Variants in LCORL observed in about 807,000 individuals in gnomAD.
LCORL encodes the protein ligand-dependent nuclear receptor corepressor-like protein.
Under a neutral mutation model 141.8 loss-of-function variants are expected in LCORL, and 41 were observed. That is an observed-to-expected ratio of 0.29 (90% CI 0.23 to 0.38). The LOEUF (loss-of-function observed/expected upper bound fraction) is 0.38. Ranked by LOEUF, LCORL falls within the 10% of genes least tolerant of loss-of-function variation. The pLI, the probability that LCORL is intolerant of heterozygous loss-of-function variation, is 1.00. For missense variants in LCORL, 1,759 were observed against 2,035.0 expected, an observed-to-expected ratio of 0.86 and a Z score of 2.61; for synonymous variants, 618 against 694.1, an observed-to-expected ratio of 0.89 and a Z score of 1.72.
At chr4:17,852,952 A>T (rs962655829) in intron 7 of LCORL, among the ~76,000 whole-genome samples, 8 of 151,832 alleles carry the variant, frequency 5.3e-5, no homozygotes, top group Admixed American at 3.9e-4. Flanking sequence ...TACCTAGCCG[A>T]CTCTTACAGG....
chr4:17,979,282 T>C (rs1156298081), intron 1 of LCORL, among the ~76,000 whole-genome samples: 1 of 152,154 alleles, frequency 6.6e-6, no homozygotes, highest in African/African-American at 2.4e-5. Context: ...TTAGTTTCCT[T>C]CTTCTCAGGG....
At chr4:17,917,484 C>A (rs1443980262) in intron 4 of LCORL, among the ~76,000 whole-genome samples, 1 of 152,230 alleles carries the variant, frequency 6.6e-6, no homozygotes, top group Non-Finnish European at 1.5e-5. Flanking sequence ...TGAGCCACTG[C>A]GCCAGCTGAG....
chr4:17,961,862 C>A (rs750689058), intron 4 of LCORL, 41 bp downstream of exon 4: 2 of 1,568,452 alleles, frequency 1.3e-6, no homozygotes, highest in South Asian at 1.2e-5. Context: ...CATTTTACAT[C>A]TCTATTGCAA....
chr4:17,862,503 A>T (rs940018130), intron 7 of LCORL, among the ~76,000 whole-genome samples: 1 of 152,224 alleles, frequency 6.6e-6, no homozygotes, highest in Admixed American at 6.5e-5. Context: ...CCAAAACAGC[A>T]TGGTACTAGT....
intron 1 of LCORL, among the ~76,000 whole-genome samples, chr4:18,008,116 G>A (rs774848771): frequency 6.6e-6 from 1 of 152,162 alleles, no homozygotes; most frequent in East Asian, 1.9e-4. Context: ...AGATGGAAAG[G>A]TATTGCTCAT....
chr4:17,852,459 A>C (rs1397911684), intron 7 of LCORL, among the ~76,000 whole-genome samples: 1 of 152,152 alleles, frequency 6.6e-6, no homozygotes, highest in Non-Finnish European at 1.5e-5. Context: ...ATGAGAGCCA[A>C]TTAGCATGCT....
chr4:17,877,396 T>C, exon 7 of LCORL: 2 of 1,230,540 alleles, frequency 1.6e-6, no homozygotes, highest in East Asian at 6.3e-5. Context: ...ATGCGATCCA[T>C]TAAATCTTGA....
chr4:17,924,713 G>T (rs1227442878), intron 4 of LCORL, among the ~76,000 whole-genome samples: 1 of 152,160 alleles, frequency 6.6e-6, no homozygotes, highest in Admixed American at 6.5e-5. Context: ...TCACTTTATA[G>T]CTAAAGAAGT....
intron 1 of LCORL, among the ~76,000 whole-genome samples, chr4:17,977,706 A>C (rs1033300627): frequency 1.3e-4 from 20 of 152,138 alleles, no homozygotes; most frequent in African/African-American, 4.6e-4. Flanking sequence ...TATTTCTCCT[A>C]GTCTATCATT....
At chr4:17,937,375 A>G (rs1485664927) in intron 4 of LCORL, among the ~76,000 whole-genome samples, 5 of 152,206 alleles carry the variant, frequency 3.3e-5, no homozygotes, top group Non-Finnish European at 7.4e-5. Flanking sequence ...TTCCACAACC[A>G]TTGTATTATA....
intron 1 of LCORL, among the ~76,000 whole-genome samples, chr4:17,986,940 A>G (rs953178554): frequency 6.6e-6 from 1 of 152,088 alleles, no homozygotes; most frequent in Admixed American, 6.6e-5. Flanking sequence ...AATGTACCAC[A>G]GTTTAACCTT....
At chr4:17,954,249 C>T (rs1280293300) in intron 4 of LCORL, among the ~76,000 whole-genome samples, 1 of 152,048 alleles carries the variant, frequency 6.6e-6, no homozygotes, top group Non-Finnish European at 1.5e-5. Flanking sequence ...GAGGGCAGTG[C>T]ATCGTCAGGA....
At chr4:17,969,868 A>G (rs763740738) in intron 2 of LCORL, among the ~76,000 whole-genome samples, 34 of 152,224 alleles carry the variant, frequency 2.2e-4, no homozygotes, top group Non-Finnish European at 3.4e-4. Flanking sequence ...CTCTTAAGCC[A>G]TAAGAATAAT....
chr4:17,883,654 GCACATACACACACACGCAAACA>G (rs1164118796), intron 6 of LCORL: 13 of 1,442,970 alleles, frequency 9.0e-6, no homozygotes, highest in Non-Finnish European at 1.2e-5. Context: ...ACACACCTGT[GCACATACACACACACGCAAACA>G]CACACACACA....
intron 6 of LCORL, chr4:17,881,361 G>C (rs961105337): frequency 1.0e-6 from 1 of 981,098 alleles, no homozygotes; most frequent in Non-Finnish European, 1.2e-6. Context: ...GGGGAGAAGG[G>C]GAATTTCCCT....
chr4:17,852,717 C>G (rs893833897), intron 7 of LCORL, among the ~76,000 whole-genome samples: 15 of 152,116 alleles, frequency 9.9e-5, no homozygotes, highest in Non-Finnish European at 1.8e-4. Flanking sequence ...CCATCTCCAC[C>G]ATCTGAATGG....
intron 1 of LCORL, among the ~76,000 whole-genome samples, chr4:18,009,577 T>C (rs151092175): frequency 1.3e-5 from 2 of 152,002 alleles, no homozygotes; most frequent in Admixed American, 6.6e-5. Flanking sequence ...CCTCCTCATC[T>C]CACTTGAGCC....
chr4:17,915,833 A>G (rs73242128), intron 4 of LCORL, among the ~76,000 whole-genome samples: 5,226 of 152,314 alleles, frequency 0.034, 110 homozygotes, highest in Middle Eastern at 0.065. Context: ...AGATAAAATC[A>G]AGGAAGAACT....
chr4:18,001,101 T>C (rs1721880972), intron 1 of LCORL, among the ~76,000 whole-genome samples: 1 of 152,102 alleles, frequency 6.6e-6, no homozygotes, highest in South Asian at 2.1e-4. Flanking sequence ...AACCTAGGTG[T>C]TCGAAGCTGC....
Sources: gnomAD v4.1 joint callset for allele counts (sites outside exome capture counted in the v4.1 genomes callset) on GRCh38, gnomAD v4.1.1 for gene constraint, MANE v1.5 for transcripts, NCBI Gene and HGNC (gene_info 2026-07-23, HGNC 2026-07-21) for gene names.